Variants in SORCS1 observed in about 807,000 individuals in gnomAD.
The protein encoded by SORCS1 is VPS10 domain-containing receptor SorCS1.
A neutral mutation model predicts 146.1 loss-of-function variants in SORCS1; 60 were observed. The observed-to-expected ratio is 0.41, with a 90% CI of 0.33 to 0.51. SORCS1 has a LOEUF of 0.51. Ranked by LOEUF, SORCS1 falls within the 20% of genes least tolerant of loss-of-function variation. The pLI, the probability that SORCS1 is intolerant of heterozygous loss-of-function variation, is 0.21. For synonymous variants in SORCS1, 637 were observed against 584.0 expected (o/e 1.09, Z -1.31); for missense variants, 1,352 against 1,487.6 (o/e 0.91, Z 1.50).
At chr10:106,922,450 G>A (rs965904792) in intron 2 of SORCS1, among the ~76,000 whole-genome samples, 2 of 152,174 alleles carry the variant, frequency 1.3e-5, no homozygotes, top group Non-Finnish European at 1.5e-5. Flanking sequence ...ACAAAAGCCC[G>A]TTGATAATAA....
At chr10:106,654,416 A>T (rs1850120756) in intron 17 of SORCS1, among the ~76,000 whole-genome samples, 1 of 152,192 alleles carries the variant, frequency 6.6e-6, no homozygotes, top group Non-Finnish European at 1.5e-5. Context: ...CTGCTACTTT[A>T]AATGGAGTAA....
In SORCS1 at chr10:107,143,603, A is replaced by C. The variant is rs551954034; in HGVS notation, c.558+20366T>G. Among the ~76,000 whole-genome samples, 3 of 152,258 alleles carry C rather than the reference A, an allele frequency of 2.0e-5. No individual in the cohort carries two copies. The South Asian group carries it at 6.2e-4, about 32-fold the overall frequency. On this transcript the variant is annotated intron_variant, in intron 1 of 25. Transcript: ENST00000263054. ...ACTGCAACCTCTGCCTCCTGGGTTC[A>C]AGCGATTCTCCTGCCTCAGCCTCCT...
At chr10:107,146,403 G>A (rs1038247523) in intron 1 of SORCS1, among the ~76,000 whole-genome samples, 1 of 152,180 alleles carries the variant, frequency 6.6e-6, no homozygotes, top group South Asian at 2.1e-4. Context: ...CCTAACGAAT[G>A]AGTTAGCTTT....
intron 2 of SORCS1, among the ~76,000 whole-genome samples, chr10:106,855,941 A>C (rs1318553038): frequency 6.6e-6 from 1 of 152,148 alleles, no homozygotes; most frequent in East Asian, 1.9e-4. Flanking sequence ...TGAACAGCTG[A>C]CATGAGGTAC....
intron 2 of SORCS1, among the ~76,000 whole-genome samples, chr10:106,951,429 G>A (rs902979954): frequency 6.0e-5 from 9 of 150,692 alleles, no homozygotes; most frequent in African/African-American, 2.2e-4. Context: ...AGAATGGCGG[G>A]TGAACCCAGG....
At chr10:106,785,166 G>T (rs2136453332) in intron 3 of SORCS1, among the ~76,000 whole-genome samples, 1 of 152,266 alleles carries the variant, frequency 6.6e-6, no homozygotes, top group Non-Finnish European at 1.5e-5. Context: ...CTCCTTATCT[G>T]TCTGAAGACT....
intron 3 of SORCS1, among the ~76,000 whole-genome samples, chr10:106,803,528 T>G (rs922999716): frequency 6.6e-6 from 1 of 152,216 alleles, no homozygotes; most frequent in Non-Finnish European, 1.5e-5. Flanking sequence ...ATAGCATGGC[T>G]GAAGCTTGTT....
At chr10:106,600,410 A>T (rs879879660) in intron 23 of SORCS1, 28 of 980,848 alleles carry the variant, frequency 2.9e-5, no homozygotes, top group Non-Finnish European at 3.4e-5. Flanking sequence ...AAAAATTTGC[A>T]TAAGAAAACA....
intron 18 of SORCS1, among the ~76,000 whole-genome samples, chr10:106,645,909 AT>A (rs1262160058): frequency 5.9e-5 from 9 of 152,094 alleles, no homozygotes; most frequent in Non-Finnish European, 1.3e-4. Context: ...TTAATTTTTT[AT>A]TTTTGAAATA....
At chr10:106,823,883 T>A (rs1948170337) in intron 3 of SORCS1, among the ~76,000 whole-genome samples, 2 of 152,198 alleles carry the variant, frequency 1.3e-5, no homozygotes, top group Admixed American at 6.5e-5. Context: ...AGTCTCCATA[T>A]CTGTTAAAGA....
At chr10:106,616,562 C>T (rs113734384) in intron 21 of SORCS1, among the ~76,000 whole-genome samples, 4 of 152,274 alleles carry the variant, frequency 2.6e-5, no homozygotes, top group African/African-American at 9.6e-5. Flanking sequence ...GCAGACTTTG[C>T]CGCACTCTAT....
intron 20 of SORCS1, among the ~76,000 whole-genome samples, chr10:106,618,542 C>T (rs575320229): frequency 7.7e-4 from 117 of 152,218 alleles, no homozygotes; most frequent in African/African-American, 2.6e-3. Context: ...ATAGGTCTTG[C>T]TTGCTGGTGG....
intron 3 of SORCS1, among the ~76,000 whole-genome samples, chr10:106,793,920 C>T (rs1180321150): frequency 6.6e-6 from 1 of 152,178 alleles, no homozygotes; most frequent in Non-Finnish European, 1.5e-5. Flanking sequence ...TGTAAATGAG[C>T]ACATGTGCCT....
At chr10:106,626,176 G>A (rs940518491) in intron 19 of SORCS1, among the ~76,000 whole-genome samples, 1 of 152,098 alleles carries the variant, frequency 6.6e-6, no homozygotes, top group Non-Finnish European at 1.5e-5. Flanking sequence ...GACAGGCAAT[G>A]GGCTTTCAAG....
chr10:106,993,964 C>T (rs1589875734), intron 1 of SORCS1, among the ~76,000 whole-genome samples: 1 of 148,558 alleles, frequency 6.7e-6, no homozygotes, highest in Non-Finnish European at 1.5e-5. Context: ...GCCTCAGTTA[C>T]TCGGGAGGAT....
In SORCS1 at chr10:106,618,292, A is replaced by T. The variant is rs774170512; in HGVS notation, c.2797-20T>A. On this transcript the variant is annotated intron_variant, in intron 20 of 25. Transcript: ENST00000263054. ...CAAAGGCTAAAATAAACAAGGGCCCAGAGTGAAGGGAAAGCTCTTTAGTTA... is the reference window on the plus strand; with the variant it reads ...CAAAGGCTAAAATAAACAAGGGCCCTGAGTGAAGGGAAAGCTCTTTAGTTA... 2.5e-6 allele frequency: 4 copies of T among 1,612,516 alleles called. No homozygotes were observed. In the Admixed American group the frequency reaches 6.7e-5, roughly 27 times the overall value.
chr10:107,046,871 G>T (rs1449530724), intron 1 of SORCS1, among the ~76,000 whole-genome samples: 3 of 152,182 alleles, frequency 2.0e-5, no homozygotes, highest in Non-Finnish European at 4.4e-5. Flanking sequence ...AGCAAAGAAG[G>T]CTTGGTATTT....
intron 24 of SORCS1, among the ~76,000 whole-genome samples, chr10:106,587,125 T>C (rs147198450): frequency 4.4e-4 from 67 of 152,356 alleles, no homozygotes; most frequent in Non-Finnish European, 8.1e-4. Context: ...GCTGGGTCTA[T>C]GTATCTGTGC....
intron 1 of SORCS1, among the ~76,000 whole-genome samples, chr10:106,981,151 G>C (rs1956232303): frequency 6.6e-6 from 1 of 152,164 alleles, no homozygotes; most frequent in Non-Finnish European, 1.5e-5. Flanking sequence ...CAGTATGCAA[G>C]AAGCTTAACA....
Sources: gnomAD v4.1 joint callset for allele counts (sites outside exome capture counted in the v4.1 genomes callset) on GRCh38, gnomAD v4.1.1 for gene constraint, MANE v1.5 for transcripts, NCBI Gene and HGNC (gene_info 2026-07-23, HGNC 2026-07-21) for gene names.